Variants in PDE7B observed in about 807,000 individuals in gnomAD.
PDE7B encodes 3',5'-cyclic-AMP phosphodiesterase 7B.
A neutral mutation model predicts 56.2 loss-of-function variants in PDE7B; 29 were observed. The ratio of observed to expected loss-of-function variants is 0.52; its 90% CI spans 0.38 to 0.70. The LOEUF (loss-of-function observed/expected upper bound fraction) is 0.70, where lower values mean the gene tolerates loss of function less well. PDE7B is among the 30% of genes least tolerant of loss of function. The pLI, the probability that PDE7B is intolerant of heterozygous loss-of-function variation, is 0.00. For missense variants in PDE7B, 490 were observed against 565.0 expected, an observed-to-expected ratio of 0.87 and a Z score of 1.35; for synonymous variants, 197 against 196.9, an observed-to-expected ratio of 1.00 and a Z score of 0.00.
intron 1 of PDE7B, among the ~76,000 whole-genome samples, chr6:135,868,634 G>C (rs1461677116): frequency 2.0e-5 from 3 of 152,148 alleles, no homozygotes; most frequent in Admixed American, 6.5e-5. Flanking sequence ...ATTTTGCCCT[G>C]TTGGCCAGGC....
chr6:136,161,497 T>C (rs1305192498), intron 8 of PDE7B, among the ~76,000 whole-genome samples: 2 of 152,242 alleles, frequency 1.3e-5, no homozygotes, highest in Non-Finnish European at 2.9e-5. Flanking sequence ...TTAAAAATTC[T>C]TGGAATGATC....
Position 136,195,455 on chromosome 6 carries a change from G to GAAAAAA in PDE7B, c.*3632_*3637dup, listed in dbSNP as rs559769128. 3.5e-4 allele frequency: 24 copies of GAAAAAA among 68,968 alleles called. No homozygotes were observed. The highest frequency in any genetic ancestry group is 8.2e-4 in the African/African-American group (19 of 23,280). The allele number at this position is 68,968 out of a possible 1,614,324, so 4.3% of individuals were successfully genotyped here. A position where few individuals can be genotyped will look rare whatever the true frequency, so the allele number is the denominator to read the frequency against. ...CATTTTGTATACACATGTGAGGTTTGAAAAAAAAAAAAAAAAAAAAAAGAA... is the reference window on the plus strand; with the variant it reads ...CATTTTGTATACACATGTGAGGTTTGAAAAAAAAAAAAAAAAAAAAAAAAAAAAGAA... On this transcript the variant is annotated 3_prime_UTR_variant, in exon 13 of 13. Coordinates refer to ENST00000308191, the MANE Select transcript of PDE7B (RefSeq NM_018945.4).
chr6:136,125,531 T>C (rs1443090127), intron 3 of PDE7B, among the ~76,000 whole-genome samples: 1 of 152,034 alleles, frequency 6.6e-6, no homozygotes, highest in Non-Finnish European at 1.5e-5. Flanking sequence ...ATTGCTCCAG[T>C]GCACTCCAAC....
chr6:136,041,624 G>C (rs1389842766), intron 2 of PDE7B, among the ~76,000 whole-genome samples: 1 of 152,252 alleles, frequency 6.6e-6, no homozygotes, highest in Admixed American at 6.5e-5. Flanking sequence ...TGCCCCCAAA[G>C]CTGGGCATTG....
Position 135,856,894 on chromosome 6 carries a change from C to A in PDE7B, c.21+4875C>A, listed in dbSNP as rs1176200707. Among the ~76,000 whole-genome samples, 3 of 151,970 alleles carry A rather than the reference C, an allele frequency of 2.0e-5. No individual in the cohort carries two copies. The East Asian group carries it at 5.8e-4, about 29-fold the overall frequency. Reference sequence around the variant, plus strand: ...CAGTATAGAAGTATGAAAATAATAGCCACAGTCAATATACCAGTAAAGAAA... The same window carrying A: ...CAGTATAGAAGTATGAAAATAATAGACACAGTCAATATACCAGTAAAGAAA... On this transcript the variant is annotated intron_variant, in intron 1 of 12. Transcript: ENST00000308191.
intron 12 of PDE7B, among the ~76,000 whole-genome samples, chr6:136,188,917 G>A (rs193132145): frequency 1.2e-4 from 18 of 152,238 alleles, no homozygotes; most frequent in East Asian, 1.2e-3. Flanking sequence ...CTGCCAGCTC[G>A]TAGAGGTTGA....
chr6:136,153,948 A>G lies in PDE7B; in HGVS notation c.479-127A>G, dbSNP rs569905377. On this transcript the variant is annotated intron_variant, in intron 6 of 12. Coordinates refer to ENST00000308191, the MANE Select transcript of PDE7B (RefSeq NM_018945.4). ...GCTTGCAAACCACGTTTATTTTTAAAGCATCTCTATGCTGCACATTTTGGA... is the reference window on the plus strand; with the variant it reads ...GCTTGCAAACCACGTTTATTTTTAAGGCATCTCTATGCTGCACATTTTGGA... The G allele has an allele frequency of 4.9e-5, 30 of 606,166 alleles. No homozygotes were observed. In the South Asian group the frequency reaches 5.9e-4, roughly 12 times the overall value. 37.5% of individuals were successfully genotyped at this position (606,166 alleles called of 1,614,324 possible). A position where few individuals can be genotyped will look rare whatever the true frequency, so the allele number is the denominator to read the frequency against.
At chr6:136,126,835 A>C (rs1778030423) in intron 3 of PDE7B, among the ~76,000 whole-genome samples, 1 of 152,200 alleles carries the variant, frequency 6.6e-6, no homozygotes, top group South Asian at 2.1e-4. Flanking sequence ...ATAAAAGATT[A>C]CAAATTGAGT....
At chr6:136,078,856 T>TC (rs1777162492) in intron 2 of PDE7B, among the ~76,000 whole-genome samples, 1 of 152,176 alleles carries the variant, frequency 6.6e-6, no homozygotes, top group Non-Finnish European at 1.5e-5. Flanking sequence ...TTACAAGTAT[T>TC]TTAAATAAAC....
chr6:136,168,638 G>A (rs995213988), intron 8 of PDE7B, among the ~76,000 whole-genome samples: 1 of 152,198 alleles, frequency 6.6e-6, no homozygotes, highest in African/African-American at 2.4e-5. Flanking sequence ...AAATAGGGTG[G>A]CTTCTATGAA....
intron 8 of PDE7B, among the ~76,000 whole-genome samples, chr6:136,170,613 T>A (rs1778862774): frequency 6.6e-6 from 1 of 152,168 alleles, no homozygotes; most frequent in East Asian, 1.9e-4. Flanking sequence ...TATAACAGAA[T>A]ACCTGAAACT....
At chr6:135,926,243 C>T (rs1027035051) in intron 1 of PDE7B, among the ~76,000 whole-genome samples, 8 of 151,816 alleles carry the variant, frequency 5.3e-5, no homozygotes, top group Admixed American at 1.3e-4. Flanking sequence ...CCCGCCACCA[C>T]GCCCAGCTAA....
chr6:136,085,318 G>T (rs939778674), intron 2 of PDE7B, among the ~76,000 whole-genome samples: 3 of 152,132 alleles, frequency 2.0e-5, no homozygotes, highest in African/African-American at 7.2e-5. Context: ...CTCAAGGCAG[G>T]GGAAAATATA....
intron 9 of PDE7B, among the ~76,000 whole-genome samples, chr6:136,174,473 T>C (rs1222305787): frequency 6.6e-6 from 1 of 152,180 alleles, no homozygotes; most frequent in African/African-American, 2.4e-5. Context: ...AGCCATGGTA[T>C]GTAGGCTGAG....
At chr6:136,052,038 C>T (rs1328890214) in intron 2 of PDE7B, among the ~76,000 whole-genome samples, 1 of 149,480 alleles carries the variant, frequency 6.7e-6, no homozygotes, top group African/African-American at 2.5e-5. Context: ...ATTACATGTA[C>T]ATTTAAAGTA....
At chr6:136,155,969 A>C (rs1461182816) in intron 8 of PDE7B, 1 of 690,936 alleles carries the variant, frequency 1.4e-6, no homozygotes, top group Non-Finnish European at 2.7e-6. Context: ...AGTTTGAAAG[A>C]GGTTTGAGGA....
chr6:136,016,133 G>A lies in PDE7B; in HGVS notation c.82+68609G>A, dbSNP rs116044632. 1.7e-3 allele frequency among the ~76,000 whole-genome samples: 254 copies of A among 152,122 alleles called. 3 individuals are homozygous for A. Among genetic ancestry groups the A allele is most frequent in the African/African-American group, 5.4e-3 (222 of 41,494 alleles). On this transcript the variant is annotated intron_variant, in intron 2 of 12. Transcript: ENST00000308191. Reference sequence around the variant, plus strand: ...GCTAAATTTGTTCTATTCATCTCACGGCTCCCTCTAATACGTAGGAAAGTA... The same window carrying A: ...GCTAAATTTGTTCTATTCATCTCACAGCTCCCTCTAATACGTAGGAAAGTA...
chr6:136,169,225 G>T (rs1053259517), intron 8 of PDE7B, among the ~76,000 whole-genome samples: 1 of 152,092 alleles, frequency 6.6e-6, no homozygotes, highest in African/African-American at 2.4e-5. Flanking sequence ...TCCTCTCTAT[G>T]CTGTTCTTCT....
At chr6:135,963,720 A>G (rs1583798663) in intron 2 of PDE7B, among the ~76,000 whole-genome samples, 1 of 151,938 alleles carries the variant, frequency 6.6e-6, no homozygotes, top group East Asian at 1.9e-4. Context: ...TTAAAAAAAC[A>G]TGGAAAGGAA....
Sources: allele counts gnomAD v4.1 joint callset (sites outside exome capture counted in the v4.1 genomes callset), GRCh38; gene constraint gnomAD v4.1.1; transcripts MANE v1.5; gene names NCBI Gene and HGNC (gene_info 2026-07-23, HGNC 2026-07-21).